Variants in PRKD1 observed in about 807,000 individuals in gnomAD.
PRKD1 encodes serine/threonine-protein kinase D1.
A neutral mutation model predicts 95.9 loss-of-function variants in PRKD1; 63 were observed. The ratio of observed to expected loss-of-function variants is 0.66; its 90% CI spans 0.54 to 0.81. PRKD1 has a LOEUF of 0.81. PRKD1 is among the 30% of genes least tolerant of loss of function. PRKD1 has a pLI of 0.00. For synonymous variants in PRKD1, 425 were observed against 423.1 expected, an observed-to-expected ratio of 1.00 and a Z score of -0.05; for missense variants, 1,048 against 1,165.3, an observed-to-expected ratio of 0.90 and a Z score of 1.47.
At chr14:29,601,942 G>A (rs1403203457) in intron 13 of PRKD1, among the ~76,000 whole-genome samples, 1 of 152,214 alleles carries the variant, frequency 6.6e-6, no homozygotes, top group Non-Finnish European at 1.5e-5. Context: ...GATTACATGA[G>A]TTCGGCTAGA....
chr14:29,821,671 G>T (rs1444093529), intron 1 of PRKD1, among the ~76,000 whole-genome samples: 3 of 151,920 alleles, frequency 2.0e-5, no homozygotes, highest in Non-Finnish European at 4.4e-5. Flanking sequence ...AAGGAAAAAA[G>T]GTTCACAAAC....
At chr14:29,738,976 T>C (rs768652828) in intron 1 of PRKD1, among the ~76,000 whole-genome samples, 20 of 152,036 alleles carry the variant, frequency 1.3e-4, no homozygotes, top group Admixed American at 2.0e-4. Flanking sequence ...GCTGGTATTA[T>C]AGGTGTGTGC....
chr14:29,579,953 T>C (rs1892700475), intron 16 of PRKD1, among the ~76,000 whole-genome samples: 1 of 152,142 alleles, frequency 6.6e-6, no homozygotes, highest in Non-Finnish European at 1.5e-5. Flanking sequence ...TCCATTCACA[T>C]GATTTACTCA....
At chr14:29,837,374 T>C (rs1466819951) in intron 1 of PRKD1, among the ~76,000 whole-genome samples, 2 of 152,204 alleles carry the variant, frequency 1.3e-5, no homozygotes, top group African/African-American at 2.4e-5. Flanking sequence ...CATTGCACTT[T>C]CAATCAACTA....
At chr14:29,653,759 T>C (rs1881658141) in intron 4 of PRKD1, among the ~76,000 whole-genome samples, 1 of 151,930 alleles carries the variant, frequency 6.6e-6, no homozygotes, top group Non-Finnish European at 1.5e-5. Flanking sequence ...AACATACAGA[T>C]CACAGATTAA....
Position 29,826,824 on chromosome 14 carries a change from T to TACAC in PRKD1, c.264+100424_264+100425insGTGT, listed in dbSNP as rs1278252489. On this transcript the variant is annotated intron_variant, in intron 1 of 17. Coordinates refer to ENST00000331968, the MANE Select transcript of PRKD1 (RefSeq NM_002742.3). ...ATACACATATATATACACATATATA[T>TACAC]ATATATATATATATACACACATATA... Among the ~76,000 whole-genome samples, 39 of 29,230 alleles carry TACAC rather than the reference T, an allele frequency of 1.3e-3. 8 individuals carry two copies. The highest frequency in any genetic ancestry group is 2.1e-3 in the Non-Finnish European group (34 of 15,832). 19.2% of individuals were successfully genotyped at this position (29,230 alleles called of 152,430 possible).
At chr14:29,599,871 G>A (rs1893453109) in intron 13 of PRKD1, 54 bp from the exon 14 acceptor site, 2 of 1,512,076 alleles carry the variant, frequency 1.3e-6, no homozygotes, top group South Asian at 2.5e-5. Context: ...ATACTGTTTG[G>A]CAAGCTCGCT....
rs1183716927 is a variant in PRKD1 at position 29,840,498 on chromosome 14, G to A, written c.264+86751C>T. 5.3e-5 allele frequency among the ~76,000 whole-genome samples: 8 copies of A among 152,256 alleles called. No individual in the cohort carries two copies. The East Asian group carries it at 1.5e-3, about 29-fold the overall frequency. ...TGTTTCAACCTCTGCCTGTTACTCA[G>A]TTCCAAAGTTGCTTCCACATTTATG... On this transcript the variant is annotated intron_variant, in intron 1 of 17. Coordinates refer to ENST00000331968, the MANE Select transcript of PRKD1 (RefSeq NM_002742.3).
intron 9 of PRKD1, among the ~76,000 whole-genome samples, chr14:29,631,553 G>A (rs1594378622): frequency 6.6e-6 from 1 of 150,810 alleles, no homozygotes. Context: ...ACGCTGGAGT[G>A]CAGTGGCGTG....
intron 1 of PRKD1, among the ~76,000 whole-genome samples, chr14:29,818,634 A>C (rs1047343845): frequency 6.6e-6 from 1 of 151,880 alleles, no homozygotes; most frequent in Non-Finnish European, 1.5e-5. Flanking sequence ...AAAAAAAGAA[A>C]AGTTCACCTA....
At chr14:29,889,183 C>T (rs1220386623) in intron 1 of PRKD1, among the ~76,000 whole-genome samples, 1 of 152,180 alleles carries the variant, frequency 6.6e-6, no homozygotes, top group East Asian at 1.9e-4. Context: ...TTTGAGCTCA[C>T]AAGCATACGG....
At chr14:29,734,172 A>G (rs1373750431) in intron 1 of PRKD1, among the ~76,000 whole-genome samples, 1 of 151,152 alleles carries the variant, frequency 6.6e-6, no homozygotes, top group Non-Finnish European at 1.5e-5. Context: ...CCTCCCGAGT[A>G]GCTGGGATTA....
intron 1 of PRKD1, among the ~76,000 whole-genome samples, chr14:29,899,286 C>T (rs1894237826): frequency 6.6e-6 from 1 of 152,050 alleles, no homozygotes. Flanking sequence ...GGTTTTCAAA[C>T]CTTGTCAAAA....
At chr14:29,814,816 T>C (rs1346982753) in intron 1 of PRKD1, among the ~76,000 whole-genome samples, 2 of 152,232 alleles carry the variant, frequency 1.3e-5, no homozygotes, top group African/African-American at 2.4e-5. Flanking sequence ...AAGCTAATTA[T>C]ATTTTATGCA....
chr14:29,653,043 A>G (rs1881608831), intron 4 of PRKD1, among the ~76,000 whole-genome samples: 1 of 152,192 alleles, frequency 6.6e-6, no homozygotes, highest in Admixed American at 6.5e-5. Flanking sequence ...TTCTGAGGGG[A>G]GATGTTCTAT....
chr14:29,681,063 T>C (rs572290177), intron 2 of PRKD1, among the ~76,000 whole-genome samples: 1 of 152,130 alleles, frequency 6.6e-6, no homozygotes, highest in Non-Finnish European at 1.5e-5. Flanking sequence ...TTACTGCAAA[T>C]GAGAAACAAA....
intron 1 of PRKD1, among the ~76,000 whole-genome samples, chr14:29,826,549 CATATATATGATGGAATATAT>C (rs1384546064): frequency 1.1e-4 from 4 of 35,508 alleles, no homozygotes; most frequent in Non-Finnish European, 6.1e-5. Flanking sequence ...TATATGTATA[CATATATATGATGGAATATAT>C]ATATATACAT....
At chr14:29,587,330 T>C (rs2138974299) in intron 16 of PRKD1, among the ~76,000 whole-genome samples, 1 of 152,338 alleles carries the variant, frequency 6.6e-6, no homozygotes, top group Non-Finnish European at 1.5e-5. Context: ...TTTAACATCC[T>C]GTATTTTGAA....
At chr14:29,782,305 G>A (rs1889082248) in intron 1 of PRKD1, among the ~76,000 whole-genome samples, 1 of 151,958 alleles carries the variant, frequency 6.6e-6, no homozygotes, top group African/African-American at 2.4e-5. Flanking sequence ...TGCATTGAGG[G>A]CAATTTGCTG....
Sources: allele counts gnomAD v4.1 joint callset (sites outside exome capture counted in the v4.1 genomes callset), GRCh38; gene constraint gnomAD v4.1.1; transcripts MANE v1.5; gene names NCBI Gene and HGNC (gene_info 2026-07-23, HGNC 2026-07-21).